The following CD247 variants were observed in gnomAD, a reference collection of about 807,000 sequenced individuals.
CD247 encodes CD247 molecule.
Under a neutral mutation model 30.0 loss-of-function variants are expected in CD247, and 13 were observed. The observed-to-expected ratio is 0.43, with a 90% CI of 0.28 to 0.69. CD247 has a LOEUF of 0.69. Ranked by LOEUF, CD247 falls within the 30% of genes least tolerant of loss-of-function variation. The pLI, the probability that CD247 is intolerant of heterozygous loss-of-function variation, is 0.16. For missense variants in CD247, 193 were observed against 212.6 expected (o/e 0.91, Z 0.57); for synonymous variants, 72 against 80.0 (o/e 0.90, Z 0.53).
At chr1:167,459,143 T>TAAAA (rs1307481097) in intron 1 of CD247, among the ~76,000 whole-genome samples, 1 of 148,718 alleles carries the variant, frequency 6.7e-6, no homozygotes. Context: ...TCAAAAATTT[T>TAAAA]AAAAAAAAAA....
chr1:167,476,201 T>C (rs1430147769), intron 1 of CD247, among the ~76,000 whole-genome samples: 1 of 152,184 alleles, frequency 6.6e-6, no homozygotes, highest in African/African-American at 2.4e-5. Context: ...GGCGCCTTTC[T>C]TGGGCTGCTG....
chr1:167,438,603 T>G lies in CD247; in HGVS notation c.267A>C (p.Arg89Ser). The G allele has an allele frequency of 6.2e-7, 1 of 1,614,014 alleles. No homozygotes were observed. Among genetic ancestry groups the G allele is most frequent in the Non-Finnish European group, 8.5e-7 (1 of 1,179,944 alleles). Residue 89 changes from arginine (R) to serine (S), a missense_variant, in exon 4 of 8, where the codon AGA (arginine) becomes AGC (serine). Transcript: ENST00000362089. ...RREEYDVLDK[R>S]RGRDPEMGGK... is the part of the protein sequence containing the mutation. ...CCCCCATCTCAGGGTCCCGGCCACG[T>G]CTCTTGTCCAAAACATCGTACTCCT... is the stretch of plus-strand genomic sequence containing the variant.
chr1:167,506,745 ATTAAT>A (rs1655154578), intron 1 of CD247, among the ~76,000 whole-genome samples: 1 of 152,188 alleles, frequency 6.6e-6, no homozygotes, highest in African/African-American at 2.4e-5. Context: ...CAAAATTCTG[ATTAAT>A]TTATCATAGG....
rs373031213 is a variant in CD247 at position 167,439,386 on chromosome 1, T to C, written c.177A>G (p.Ala59=). The C allele has an allele frequency of 5.7e-4, 924 of 1,614,150 alleles. 11 individuals carry two copies. The South Asian group carries it at 9.0e-3, about 16-fold the overall frequency. The change falls in exon 3 of 8, where the codon GCA becomes GCG. Residue 59 remains alanine (A), a synonymous_variant. Transcript: ENST00000362089. ...LFLRVKFSRS[A]DAPAYQQGQN... ...GGCCCTGCTGGTACGCGGGGGCGTC[T>C]GCGCTCCTGCTGAACTGCAACACAG...
At chr1:167,452,975 A>G (rs34248339) in intron 1 of CD247, among the ~76,000 whole-genome samples, 2,171 of 137,544 alleles carry the variant, frequency 0.016, 29 homozygotes, top group South Asian at 0.033. Flanking sequence ...ACATATATAC[A>G]TAGAGAGCAA....
At chr1:167,465,948 G>A (rs984991881) in intron 1 of CD247, among the ~76,000 whole-genome samples, 11 of 152,276 alleles carry the variant, frequency 7.2e-5, no homozygotes, top group Non-Finnish European at 4.4e-5. Flanking sequence ...CCAGGCACAT[G>A]CACACACTCC....
intron 6 of CD247, among the ~76,000 whole-genome samples, 192 bp from the exon 7 acceptor site, chr1:167,433,251 G>T (rs1651362960): frequency 6.6e-6 from 1 of 152,292 alleles, no homozygotes; most frequent in Admixed American, 6.5e-5. Flanking sequence ...GTAAGGTGAG[G>T]CCTGGCCATG....
intron 1 of CD247, among the ~76,000 whole-genome samples, chr1:167,467,077 A>G (rs1653288265): frequency 6.6e-6 from 1 of 152,124 alleles, no homozygotes; most frequent in South Asian, 2.1e-4. Context: ...TGACCTCGTG[A>G]TCCGCCCGCC....
At chr1:167,448,596 C>T (rs1234998564) in intron 1 of CD247, 31 of 897,048 alleles carry the variant, frequency 3.5e-5, no homozygotes, top group Non-Finnish European at 3.7e-5. Flanking sequence ...TCACCCTGAA[C>T]TGCAGAACGA....
chr1:167,439,307 C>G (rs141311722), intron 3 of CD247, 37 bp downstream of exon 3: 1 of 1,601,812 alleles, frequency 6.2e-7, no homozygotes, highest in Non-Finnish European at 8.6e-7. Context: ...GGAGGCTGCC[C>G]TTCCTTTCCG....
Position 167,434,082 on chromosome 1 carries a change from G to T in CD247, c.337-6C>A, listed in dbSNP as rs1313839129. The T allele has an allele frequency of 3.1e-6, 5 of 1,613,648 alleles. No individual in the cohort carries two copies. In the African/African-American group the frequency reaches 4.0e-5, roughly 13 times the overall value. ...ATCTTATCTTTCTGCAGTTCCTGCA[G>T]AAGAGGGCGTGGAACACTGATTTTT... is the stretch of plus-strand genomic sequence containing the variant. On this transcript the variant is annotated splice_polypyrimidine_tract_variant and splice_region_variant and intron_variant, in intron 5 of 7. Transcript: ENST00000362089.
intron 1 of CD247, among the ~76,000 whole-genome samples, chr1:167,515,413 A>G (rs1255363194): frequency 2.0e-5 from 3 of 152,214 alleles, no homozygotes; most frequent in Admixed American, 6.5e-5. Flanking sequence ...AGCCTTATCT[A>G]AGATAGCTAA....
intron 1 of CD247, among the ~76,000 whole-genome samples, chr1:167,490,516 C>T (rs766827952): frequency 3.3e-5 from 5 of 151,882 alleles, no homozygotes; most frequent in African/African-American, 1.2e-4. Context: ...CCAGCTACTC[C>T]GGAGGCTGAG....
Position 167,493,111 on chromosome 1 carries a change from C to T in CD247, c.58+25297G>A, listed in dbSNP as rs1369922215. Among the ~76,000 whole-genome samples the T allele has an allele frequency of 6.2e-5, 8 of 129,124 alleles. No homozygotes were observed. The East Asian group carries it at 1.2e-3, about 20-fold the overall frequency. The allele number at this position is 129,124 out of a possible 152,430, so 84.7% of individuals were successfully genotyped here. On this transcript the variant is annotated intron_variant, in intron 1 of 7. Transcript: ENST00000362089. Reference sequence around the variant, plus strand: ...AGGCTGGAGTGCAGTGGTGCGATCTCGGCTCACTGCAACTGCCACCTCCTG... The same window carrying T: ...AGGCTGGAGTGCAGTGGTGCGATCTTGGCTCACTGCAACTGCCACCTCCTG...
At chr1:167,454,654 A>G (rs932715177) in intron 1 of CD247, among the ~76,000 whole-genome samples, 6 of 53,856 alleles carry the variant, frequency 1.1e-4, no homozygotes, top group African/African-American at 2.2e-4. Context: ...GCTGGTAAAT[A>G]GCATGATCAC....
chr1:167,486,493 C>T (rs997603760), intron 1 of CD247, among the ~76,000 whole-genome samples: 9 of 152,202 alleles, frequency 5.9e-5, no homozygotes, highest in African/African-American at 1.9e-4. Flanking sequence ...GTGTCAGCAG[C>T]AGAACTAGCA....
intron 1 of CD247, among the ~76,000 whole-genome samples, chr1:167,449,126 T>C (rs1485644084): frequency 6.6e-6 from 1 of 151,528 alleles, no homozygotes; most frequent in East Asian, 1.9e-4. Flanking sequence ...TTTTGAGCGA[T>C]ACTTTGTGAT....
At chr1:167,454,014 A>C (rs936843637) in intron 1 of CD247, among the ~76,000 whole-genome samples, 4 of 152,216 alleles carry the variant, frequency 2.6e-5, no homozygotes, top group Non-Finnish European at 4.4e-5. Flanking sequence ...GTATGAAAAA[A>C]ACACTATGTA....
chr1:167,490,353 G>C (rs1409806187), intron 1 of CD247, among the ~76,000 whole-genome samples: 1 of 152,206 alleles, frequency 6.6e-6, no homozygotes, highest in Admixed American at 6.5e-5. Context: ...GGCCGGGCGC[G>C]GTGGCTCACG....
Sources: allele counts gnomAD v4.1 joint callset (sites outside exome capture counted in the v4.1 genomes callset), GRCh38; gene constraint gnomAD v4.1.1; transcripts MANE v1.5; gene names NCBI Gene and HGNC (gene_info 2026-07-23, HGNC 2026-07-21).